The following ZC3HC1 variants were observed in gnomAD, a reference collection of about 807,000 sequenced individuals.
ZC3HC1 encodes zinc finger C3HC-type containing 1.
Under a neutral mutation model 61.9 loss-of-function variants are expected in ZC3HC1, and 38 were observed. The observed-to-expected ratio is 0.61, with a 90% CI of 0.47 to 0.81. The LOEUF (loss-of-function observed/expected upper bound fraction) is 0.81, where lower values mean the gene tolerates loss of function less well. Among genes scored for constraint, ZC3HC1 ranks in the 30% least tolerant of loss-of-function variants. The pLI is 0.00. For synonymous variants in ZC3HC1, 213 were observed against 229.9 expected (o/e 0.93, Z 0.67); for missense variants, 554 against 622.7 (o/e 0.89, Z 1.17).
Position 130,023,111 on chromosome 7 carries a change from A to G in ZC3HC1, c.1233+400T>C, listed in dbSNP as rs1442910248. 1 of 168,226 alleles carries G rather than the reference A, an allele frequency of 5.9e-6. No individual in the cohort carries two copies. The highest frequency in any genetic ancestry group is 1.3e-5 in the Non-Finnish European group (1 of 76,904). The allele number at this position is 168,226 out of a possible 1,614,324, so 10.4% of individuals were successfully genotyped here. On this transcript the variant is annotated intron_variant, in intron 8 of 9. Transcript: ENST00000358303. This position sits in a 1 kb window ranked among gnomAD's most constrained non-coding sequence, Gnocchi z 4.2. ...ATTTCATTATATATTACAATATAAT[A>G]ATAATAGAAATAAAGTACACAATAC...
intron 4 of ZC3HC1, 140 bp downstream of exon 4, chr7:130,039,324 A>G: frequency 1.4e-6 from 1 of 726,736 alleles, no homozygotes; most frequent in Non-Finnish European, 2.3e-6. Flanking sequence ...AGCCTGGGCA[A>G]CAAGAGTGAA....
chr7:130,038,743 C>T (rs1418716162), intron 4 of ZC3HC1, among the ~76,000 whole-genome samples: 1 of 151,434 alleles, frequency 6.6e-6, no homozygotes, highest in Non-Finnish European at 1.5e-5. Flanking sequence ...ACCTGTAATC[C>T]CAGCTACTCG....
chr7:130,035,819 G>A (rs750813374), intron 4 of ZC3HC1, among the ~76,000 whole-genome samples: 4 of 152,116 alleles, frequency 2.6e-5, no homozygotes, highest in African/African-American at 7.2e-5. Flanking sequence ...GCAGAATGTG[G>A]ATTTGGAGCA....
intron 4 of ZC3HC1, among the ~76,000 whole-genome samples, chr7:130,030,286 G>A (rs1332225568): frequency 6.7e-6 from 1 of 148,272 alleles, no homozygotes. Flanking sequence ...TGCAACCTCT[G>A]CCTCCCAGGT....
In ZC3HC1 at chr7:130,025,792, G is replaced by A. The variant is rs1456955647; in HGVS notation, c.776+366C>T. ...TGAGACAGGAGAATGGCGTGAACCC[G>A]GGAGGCGGAGCTTGCAGTGAGCTGA... On this transcript the variant is annotated intron_variant, in intron 6 of 9. Coordinates refer to ENST00000358303, the MANE Select transcript of ZC3HC1 (RefSeq NM_016478.5). 4.6e-5 allele frequency among the ~76,000 whole-genome samples: 7 copies of A among 150,582 alleles called. No individual in the cohort carries two copies. The East Asian group carries it at 1.2e-3, about 25-fold the overall frequency.
At position 130,041,104 on chromosome 7, in the gene ZC3HC1, A is replaced by T; in HGVS notation, c.259-3T>A. 1 of 1,608,984 alleles carries T rather than the reference A, an allele frequency of 6.2e-7. No homozygotes were observed. The highest frequency in any genetic ancestry group is 8.5e-7 in the Non-Finnish European group (1 of 1,178,826). On this transcript the variant is annotated splice_polypyrimidine_tract_variant and splice_region_variant and intron_variant, in intron 2 of 9. Coordinates refer to ENST00000358303, the MANE Select transcript of ZC3HC1 (RefSeq NM_016478.5). ...GGCTTACCTGCCCATTTCAAAGAGTATCCATGTTAAGAAAAACAACACAGC... is the reference window on the plus strand; with the variant it reads ...GGCTTACCTGCCCATTTCAAAGAGTTTCCATGTTAAGAAAAACAACACAGC...
Position 130,023,158 on chromosome 7 carries a change from C to A in ZC3HC1, c.1233+353G>T. 3.7e-6 allele frequency: 1 copy of A among 271,976 alleles called. No individual in the cohort carries two copies. Among genetic ancestry groups the A allele is most frequent in the Non-Finnish European group, 7.0e-6 (1 of 142,592 alleles). The allele number at this position is 271,976 out of a possible 1,614,324, so 16.8% of individuals were successfully genotyped here. Reference sequence around the variant, plus strand: ...ATACATGTAATGTGCTCGTATCATCCCGAAACCATCCTCCCAACCGTGGTC... The same window carrying A: ...ATACATGTAATGTGCTCGTATCATCACGAAACCATCCTCCCAACCGTGGTC... On this transcript the variant is annotated intron_variant, in intron 8 of 9. Transcript: ENST00000358303. This position sits in a 1 kb window ranked among gnomAD's most constrained non-coding sequence, Gnocchi z 4.2.
rs533814315 is a variant in ZC3HC1 at position 130,034,302 on chromosome 7, G to C, written c.493+5162C>G. ...AGATTGAGACTATCCTGGCTAACAC[G>C]GTGAAACCCCGTCTCTACTAAAAAT... On this transcript the variant is annotated intron_variant, in intron 4 of 9. Transcript: ENST00000358303. Among the ~76,000 whole-genome samples the C allele has an allele frequency of 1.2e-4, 18 of 151,020 alleles. 1 individual carries two copies. In the South Asian group the frequency reaches 3.8e-3, roughly 32 times the overall value.
chr7:130,034,890 A>G (rs1794370910), intron 4 of ZC3HC1, among the ~76,000 whole-genome samples: 1 of 152,116 alleles, frequency 6.6e-6, no homozygotes, highest in Non-Finnish European at 1.5e-5. Context: ...CATGTTATCT[A>G]TAACATCTCT....
intron 9 of ZC3HC1, among the ~76,000 whole-genome samples, chr7:130,021,940 C>T (rs969729399): frequency 2.6e-5 from 4 of 152,104 alleles, no homozygotes; most frequent in Non-Finnish European, 5.9e-5. Flanking sequence ...TTTGGGAGGC[C>T]GAGGCGGGGG....
chr7:130,023,418 AC>A lies in ZC3HC1; in HGVS notation c.1233+92del. The A allele has an allele frequency of 8.0e-7, 1 of 1,250,848 alleles. No individual in the cohort carries two copies. The highest frequency in any genetic ancestry group is 1.1e-6 in the Non-Finnish European group (1 of 887,996). 77.5% of individuals were successfully genotyped at this position (1,250,848 alleles called of 1,614,324 possible). ...CATGGTCTACTTTTTGCATTGGACC[AC>A]GGAAGGGCTCCTGCCTGCTTCTCCA... On this transcript the variant is annotated intron_variant, in intron 8 of 9. Transcript: ENST00000358303. This position sits in a 1 kb window ranked among gnomAD's most constrained non-coding sequence, Gnocchi z 4.2.
intron 1 of ZC3HC1, among the ~76,000 whole-genome samples, chr7:130,050,239 G>A (rs963979011): frequency 2.0e-5 from 3 of 152,068 alleles, no homozygotes; most frequent in Admixed American, 6.6e-5. Context: ...CACCACGCCC[G>A]GCTAATTTTT....
At position 130,028,878 on chromosome 7, in the gene ZC3HC1, G is replaced by A. The variant is rs905131173; in HGVS notation, c.621+24C>T. On this transcript the variant is annotated intron_variant, in intron 5 of 9. Coordinates refer to ENST00000358303, the MANE Select transcript of ZC3HC1 (RefSeq NM_016478.5). ...ATGCTGGCAACAACTGGAGGCCATT[G>A]CAGCCTAGTCAGGAAAAACTCACCA... is the stretch of plus-strand genomic sequence containing the variant. The A allele has an allele frequency of 1.0e-5, 16 of 1,606,232 alleles. No individual in the cohort carries two copies. In the African/African-American group the frequency reaches 1.3e-4, roughly 13 times the overall value.
In ZC3HC1 at chr7:130,020,835, A is replaced by AT. The variant is rs992304871; in HGVS notation, c.1440+1483dup. Reference sequence around the variant, plus strand: ...TGAAGATCTAGGCAGAGAAATGCGGATTTTTTTTTCTGTGAAAACTTGGAA... The same window carrying AT: ...TGAAGATCTAGGCAGAGAAATGCGGATTTTTTTTTTCTGTGAAAACTTGGAA... On this transcript the variant is annotated intron_variant, in intron 9 of 9. Coordinates refer to ENST00000358303, the MANE Select transcript of ZC3HC1 (RefSeq NM_016478.5). Among the ~76,000 whole-genome samples, 47 of 151,656 alleles carry AT rather than the reference A, an allele frequency of 3.1e-4. 1 individual carries two copies. The South Asian group carries it at 5.6e-3, about 18-fold the overall frequency.
chr7:130,024,148 C>T, intron 7 of ZC3HC1, 115 bp downstream of exon 7: 2 of 1,392,096 alleles, frequency 1.4e-6, no homozygotes, highest in Non-Finnish European at 1.9e-6. Context: ...GGTATCGTAA[C>T]CAATGTAGTG....
intron 9 of ZC3HC1, among the ~76,000 whole-genome samples, chr7:130,020,465 T>C (rs1164450689): frequency 6.6e-6 from 1 of 152,024 alleles, no homozygotes; most frequent in Non-Finnish European, 1.5e-5. Flanking sequence ...TTTTGCCATG[T>C]TGGCCACGCT....
In ZC3HC1 at chr7:130,026,069, G is replaced by A. The variant is rs547720404; in HGVS notation, c.776+89C>T. 171 of 1,418,772 alleles carry A rather than the reference G, an allele frequency of 1.2e-4. 1 individual carries two copies. In the South Asian group the frequency reaches 2.1e-3, roughly 17 times the overall value. 87.9% of individuals were successfully genotyped at this position (1,418,772 alleles called of 1,614,324 possible). On this transcript the variant is annotated intron_variant, in intron 6 of 9. Coordinates refer to ENST00000358303, the MANE Select transcript of ZC3HC1 (RefSeq NM_016478.5). ...CTCTTTTTCTCACGGGAAACACCAT[G>A]TGATTTCTAAATACGATTAGTGACT...
At chr7:130,048,841 T>G (rs758704025) in intron 2 of ZC3HC1, 192 bp downstream of exon 2, 2 of 399,404 alleles carry the variant, frequency 5.0e-6, no homozygotes, top group African/African-American at 4.1e-5. Flanking sequence ...TTTTTTCTTC[T>G]GTAAAAAGAA....
At chr7:130,029,765 T>C (rs1241955950) in intron 4 of ZC3HC1, among the ~76,000 whole-genome samples, 3 of 152,148 alleles carry the variant, frequency 2.0e-5, no homozygotes, top group African/African-American at 4.8e-5. Context: ...AGAACAGAGT[T>C]AGTGGAGATG....
Sources: gnomAD v4.1 joint callset for allele counts (sites outside exome capture counted in the v4.1 genomes callset) on GRCh38, gnomAD v4.1.1 for gene constraint, Gnocchi (gnomAD v3.1) non-coding constraint, MANE v1.5 for transcripts, NCBI Gene and HGNC (gene_info 2026-07-23, HGNC 2026-07-21) for gene names.